Variants in CMTM8 observed in about 807,000 individuals in gnomAD.
CMTM8 encodes the protein CKLF-like MARVEL transmembrane domain-containing protein 8.
CMTM8 carries 12 observed loss-of-function variants against 18.6 expected under a neutral mutation model. That is an observed-to-expected ratio of 0.65 (90% confidence interval 0.41 to 1.05). The LOEUF is 1.05. Ranked by LOEUF, CMTM8 falls within the 50% of genes least tolerant of loss-of-function variation. CMTM8 has a pLI of 0.00. For synonymous variants in CMTM8, 87 were observed against 90.6 expected (o/e 0.96, Z 0.23); for missense variants, 217 against 227.2 (o/e 0.95, Z 0.29).
intron 1 of CMTM8, 27 bp downstream of exon 1, chr3:32,239,146 G>T (rs760307403): frequency 6.4e-7 from 1 of 1,574,222 alleles, no homozygotes; most frequent in South Asian, 1.2e-5. Context: ...CGGGGGTGGC[G>T]GGGGGCTCAG....
At position 32,239,129 on chromosome 3, in the gene CMTM8, G is replaced by T; in HGVS notation, c.147+10G>T. The T allele has an allele frequency of 6.3e-7, 1 of 1,590,974 alleles. No homozygotes were observed. The highest frequency in any genetic ancestry group is 8.6e-7 in the Non-Finnish European group (1 of 1,169,434). On this transcript the variant is annotated intron_variant, in intron 1 of 3. Transcript: ENST00000307526. ...CATCGTGGCCGAGATCGTGAGTGCCGACGGGCCGGGGGTGGCGGGGGGCTC... is the reference window on the plus strand; with the variant it reads ...CATCGTGGCCGAGATCGTGAGTGCCTACGGGCCGGGGGTGGCGGGGGGCTC...
intron 1 of CMTM8, among the ~76,000 whole-genome samples, chr3:32,270,930 G>A (rs1702430832): frequency 6.6e-6 from 1 of 151,992 alleles, no homozygotes; most frequent in Admixed American, 6.6e-5. Context: ...TGCTCTCTTA[G>A]ACATTATTTT....
intron 1 of CMTM8, among the ~76,000 whole-genome samples, chr3:32,311,781 T>A (rs970285081): frequency 6.6e-6 from 1 of 152,168 alleles, no homozygotes; most frequent in Non-Finnish European, 1.5e-5. Context: ...ATCCCACAGG[T>A]TGAAGTCTCA....
chr3:32,257,012 A>T (rs1169099915), intron 1 of CMTM8, among the ~76,000 whole-genome samples: 1 of 152,146 alleles, frequency 6.6e-6, no homozygotes, highest in African/African-American at 2.4e-5. Flanking sequence ...ATCTATGGTG[A>T]TATCTCCCTA....
chr3:32,333,739 G>A (rs999088836), intron 1 of CMTM8, among the ~76,000 whole-genome samples: 22 of 151,896 alleles, frequency 1.4e-4, no homozygotes, highest in African/African-American at 4.6e-4. Context: ...GGCAGAGCAC[G>A]GATGGTTTCA....
intron 1 of CMTM8, among the ~76,000 whole-genome samples, chr3:32,298,956 T>TA (rs34213042): frequency 0.38 from 48,914 of 127,906 alleles, 9,158 homozygotes; most frequent in East Asian, 0.49. Flanking sequence ...TATATATATA[T>TA]TTTTTTTTTT....
intron 1 of CMTM8, among the ~76,000 whole-genome samples, chr3:32,247,793 G>A (rs985680032): frequency 2.0e-5 from 3 of 152,152 alleles, no homozygotes; most frequent in Non-Finnish European, 4.4e-5. Flanking sequence ...TTTTTGAAAT[G>A]TCTTCCTACT....
chr3:32,351,722 A>T (rs947810156), intron 1 of CMTM8, among the ~76,000 whole-genome samples: 1 of 151,818 alleles, frequency 6.6e-6, no homozygotes, highest in Non-Finnish European at 1.5e-5. Flanking sequence ...AAAAAAAAAA[A>T]ATATGTAAAA....
At chr3:32,309,358 A>G (rs1695777394) in intron 1 of CMTM8, among the ~76,000 whole-genome samples, 1 of 125,596 alleles carries the variant, frequency 8.0e-6, no homozygotes, top group Admixed American at 1.0e-4. Flanking sequence ...CCCAGGCTGG[A>G]GTGCAGTGGT....
At chr3:32,336,911 TC>T (rs1696400074) in intron 1 of CMTM8, among the ~76,000 whole-genome samples, 1 of 152,184 alleles carries the variant, frequency 6.6e-6, no homozygotes, top group African/African-American at 2.4e-5. Flanking sequence ...CATTGTTTCT[TC>T]CAGTTTTGGA....
chr3:32,289,369 G>A (rs577998939), intron 1 of CMTM8, among the ~76,000 whole-genome samples: 215 of 152,268 alleles, frequency 1.4e-3, no homozygotes, highest in Middle Eastern at 6.8e-3. Flanking sequence ...TATACTCTAT[G>A]GCCTCTAAGA....
intron 1 of CMTM8, among the ~76,000 whole-genome samples, chr3:32,320,529 T>A (rs981581755): frequency 5.3e-5 from 8 of 152,170 alleles, no homozygotes; most frequent in African/African-American, 1.9e-4. Flanking sequence ...TTCCTTAGGG[T>A]GATAAAAATG....
intron 1 of CMTM8, among the ~76,000 whole-genome samples, chr3:32,308,616 A>G (rs1003907541): frequency 2.0e-5 from 3 of 152,164 alleles, no homozygotes; most frequent in Admixed American, 1.3e-4. Flanking sequence ...GTAAAATGGG[A>G]CTAATTATGG....
At chr3:32,353,837 T>TGCAGTG (rs2125596920) in intron 1 of CMTM8, among the ~76,000 whole-genome samples, 1 of 148,384 alleles carries the variant, frequency 6.7e-6, no homozygotes, top group African/African-American at 2.5e-5. Context: ...CAGGTTGGAG[T>TGCAGTG]GCAGTGGCAC....
chr3:32,312,975 G>A (rs1695849219), intron 1 of CMTM8, among the ~76,000 whole-genome samples: 1 of 152,012 alleles, frequency 6.6e-6, no homozygotes. Context: ...AATCACTTAG[G>A]AAATTATAAG....
intron 1 of CMTM8, among the ~76,000 whole-genome samples, chr3:32,246,169 C>T (rs1702012584): frequency 6.6e-6 from 1 of 152,140 alleles, no homozygotes; most frequent in African/African-American, 2.4e-5. Context: ...CTGCTGTGAC[C>T]ATCTGTGCTG....
chr3:32,288,029 G>A (rs992398197), intron 1 of CMTM8, among the ~76,000 whole-genome samples: 3 of 152,172 alleles, frequency 2.0e-5, no homozygotes, highest in East Asian at 1.9e-4. Context: ...TATTTGACAT[G>A]TTTTATTACG....
chr3:32,288,653 A>T (rs1197006263), intron 1 of CMTM8, among the ~76,000 whole-genome samples: 1 of 151,840 alleles, frequency 6.6e-6, no homozygotes, highest in Non-Finnish European at 1.5e-5. Flanking sequence ...GGCGCCCACC[A>T]CCACGCCCAG....
rs563670362 is a variant in CMTM8 at position 32,323,734 on chromosome 3, A to G, written c.148-33639A>G. Among the ~76,000 whole-genome samples the G allele has an allele frequency of 2.6e-5, 4 of 152,320 alleles. No individual in the cohort carries two copies. In the South Asian group the frequency reaches 8.3e-4, roughly 32 times the overall value. On this transcript the variant is annotated intron_variant, in intron 1 of 3. Coordinates refer to ENST00000307526, the MANE Select transcript of CMTM8 (RefSeq NM_178868.5). ...TGGCCAAAGATCTTATAAATGAGTA[A>G]AACCTCTGGAAGTCAGAAAAGAAGG...
Sources: allele counts gnomAD v4.1 joint callset (sites outside exome capture counted in the v4.1 genomes callset), GRCh38; gene constraint gnomAD v4.1.1; transcripts MANE v1.5; gene names NCBI Gene and HGNC (gene_info 2026-07-23, HGNC 2026-07-21).